FHIP1A: variants seen among roughly 807,000 people sequenced by gnomAD.
FHIP1A encodes FHF complex subunit HOOK interacting protein 1A, also known as FHF complex subunit HOOK-interacting protein 1A.
In FHIP1A, 61 loss-of-function variants were observed where a neutral mutation model predicts 88.6. That is an observed-to-expected ratio of 0.69 (90% CI 0.56 to 0.85). The LOEUF (loss-of-function observed/expected upper bound fraction) is 0.85, where lower values mean the gene tolerates loss of function less well. Ranked by LOEUF, FHIP1A falls within the 40% of genes least tolerant of loss-of-function variation. The pLI, the probability that FHIP1A is intolerant of heterozygous loss-of-function variation, is 0.00. For synonymous variants in FHIP1A, 478 were observed against 496.0 expected (o/e 0.96, Z 0.48); for missense variants, 1,154 against 1,273.5 (o/e 0.91, Z 1.43).
rs1346468362 is a variant in FHIP1A at position 151,640,764 on chromosome 4, G to A, written c.1226+2008G>A. On this transcript the variant is annotated intron_variant, in intron 9 of 13. Transcript: ENST00000435205. ...CCAAGTCAGATTTAGTCTAGGTGAT[G>A]GAAGCTCTTGCTTGCTGGCTGTTCA... Among the ~76,000 whole-genome samples, 10 of 152,202 alleles carry A rather than the reference G, an allele frequency of 6.6e-5. No homozygotes were observed. In the East Asian group the frequency reaches 1.9e-3, roughly 29 times the overall value.
Position 151,646,609 on chromosome 4 carries a change from G to GGAGA in FHIP1A, c.1283_1286dup (p.Asp429GlufsTer43). 1 of 1,551,642 alleles carries GGAGA rather than the reference G, an allele frequency of 6.4e-7. No homozygotes were observed. Among genetic ancestry groups the GGAGA allele is most frequent in the Non-Finnish European group, 8.7e-7 (1 of 1,146,932 alleles). On this transcript the variant is annotated frameshift_variant, in exon 10 of 14. Transcript: ENST00000435205. LOFTEE classifies it high-confidence loss of function. ...TGCTGAGTCAGAGGTGGGCTGTGAA[G>GGAGA]GAGAGAGACTGTTACTCTGTTTCTG...
chr4:151,616,060 C>T (rs969707373), intron 7 of FHIP1A, among the ~76,000 whole-genome samples: 3 of 152,178 alleles, frequency 2.0e-5, no homozygotes, highest in African/African-American at 7.2e-5. Context: ...CATTTGCCAT[C>T]AGTTGGCAGT....
rs577605690 is a variant in FHIP1A, at chr4:151,421,245, T to C, written c.-356+11780T>C. The stretch of plus-strand genomic sequence containing the variant: ...TGTGTTCCCAGGAAATTTGGATTTG[T>C]CAAATTTTACACAAATTTCATATAA... On this transcript the variant is annotated intron_variant, in intron 1 of 13. Transcript: ENST00000435205. Among the ~76,000 whole-genome samples the C allele has an allele frequency of 8.5e-5, 13 of 152,338 alleles. No individual in the cohort carries two copies. The South Asian group carries it at 2.7e-3, about 32-fold the overall frequency.
chr4:151,503,113 G>C (rs1283694186), intron 3 of FHIP1A, among the ~76,000 whole-genome samples: 1 of 152,210 alleles, frequency 6.6e-6, no homozygotes, highest in East Asian at 1.9e-4. Context: ...TAACAAGAGA[G>C]AGGTCTAGTA....
At chr4:151,662,443 A>G (rs1040388396) in intron 13 of FHIP1A, 58 bp from the exon 14 acceptor site, 34 of 1,452,414 alleles carry the variant, frequency 2.3e-5, no homozygotes, top group Non-Finnish European at 2.8e-5. Flanking sequence ...GCTTCACTGA[A>G]GAGGGTGGAT....
rs965190351 is a variant in FHIP1A at position 151,649,695 on chromosome 4, T to C, written c.1654T>C (p.Phe552Leu). The change falls in exon 11 of 14, where the codon TTC becomes CTC. Residue 552 changes from phenylalanine (F) to leucine (L), a missense_variant. Transcript: ENST00000435205. ...CAGTGTGAGCTCGGCCTGCCCTGTG[T>C]TCGGGCTCCCGCAACAACTCCCCAG... The part of the protein sequence containing the change: ...EGSVSSACPV[F>L]GLPQQLPRKT... 6.4e-7 allele frequency: 1 copy of C among 1,551,460 alleles called. No homozygotes were observed. Among genetic ancestry groups the C allele is most frequent in the African/African-American group, 1.4e-5 (1 of 73,000 alleles).
At position 151,662,853 on chromosome 4, in the gene FHIP1A, A is replaced by T; in HGVS notation, c.*99A>T. On this transcript the variant is annotated 3_prime_UTR_variant, in exon 14 of 14. Transcript: ENST00000435205. ...GCTGCTTACAAAGATTTCTACTTTA[A>T]TGTTTCCTGACAATACTTGATTTGT... is the stretch of plus-strand genomic sequence containing the variant. 8.7e-7 allele frequency: 1 copy of T among 1,148,520 alleles called. No individual in the cohort carries two copies. The highest frequency in any genetic ancestry group is 1.2e-6 in the Non-Finnish European group (1 of 850,182). 71.1% of individuals were successfully genotyped at this position (1,148,520 alleles called of 1,614,324 possible).
chr4:151,448,048 A>G (rs1289184650), intron 1 of FHIP1A, among the ~76,000 whole-genome samples: 3 of 151,750 alleles, frequency 2.0e-5, no homozygotes, highest in Non-Finnish European at 2.9e-5. Context: ...AGCTGGGACT[A>G]CAGGTGTACA....
At position 151,662,904 on chromosome 4, in the gene FHIP1A, C is replaced by A. The variant is rs1374774987; in HGVS notation, c.*150C>A. 3 of 734,652 alleles carry A rather than the reference C, an allele frequency of 4.1e-6. No homozygotes were observed. Among genetic ancestry groups the A allele is most frequent in the Non-Finnish European group, 6.2e-6 (3 of 485,060 alleles). 45.5% of individuals were successfully genotyped at this position (734,652 alleles called of 1,614,324 possible). A position where few individuals can be genotyped will look rare whatever the true frequency, so the allele number is the denominator to read the frequency against. ...GGGGAGGGGAATTTTCTGTATCTTT[C>A]CTCTCTCTCTCTAGCCGGGCCTTTC... On this transcript the variant is annotated 3_prime_UTR_variant, in exon 14 of 14. Coordinates refer to ENST00000435205, the MANE Select transcript of FHIP1A (RefSeq NM_001109977.3).
chr4:151,412,899 G>A (rs544922523), intron 1 of FHIP1A, among the ~76,000 whole-genome samples: 2 of 151,786 alleles, frequency 1.3e-5, no homozygotes, highest in East Asian at 3.9e-4. Flanking sequence ...GGTCAGGCTG[G>A]TCTCGAACTC....
At chr4:151,634,328 A>C (rs1169343507) in intron 8 of FHIP1A, among the ~76,000 whole-genome samples, 1 of 151,832 alleles carries the variant, frequency 6.6e-6, no homozygotes, top group Non-Finnish European at 1.5e-5. Context: ...TAAAATGGCC[A>C]TATTACTCAA....
chr4:151,627,603 T>A (rs1736000595), intron 7 of FHIP1A, among the ~76,000 whole-genome samples: 1 of 152,218 alleles, frequency 6.6e-6, no homozygotes, highest in African/African-American at 2.4e-5. Flanking sequence ...GATTTTTGCC[T>A]AAATCATTTA....
At chr4:151,596,934 T>C (rs1578798396) in intron 7 of FHIP1A, among the ~76,000 whole-genome samples, 1 of 152,286 alleles carries the variant, frequency 6.6e-6, no homozygotes, top group East Asian at 1.9e-4. Context: ...CTACGCTTTT[T>C]TCAAGGTTCT....
At chr4:151,515,254 A>T (rs1580655363) in intron 3 of FHIP1A, among the ~76,000 whole-genome samples, 1 of 146,596 alleles carries the variant, frequency 6.8e-6, no homozygotes, top group African/African-American at 2.5e-5. Context: ...AAATTCAACA[A>T]CCTTCATGCT....
chr4:151,521,344 T>C (rs1174689744), intron 3 of FHIP1A, among the ~76,000 whole-genome samples: 2 of 152,228 alleles, frequency 1.3e-5, no homozygotes, highest in African/African-American at 2.4e-5. Flanking sequence ...TTTTTTCATA[T>C]TCTTGTCCAT....
At chr4:151,612,532 C>A (rs1053035451) in intron 7 of FHIP1A, among the ~76,000 whole-genome samples, 3 of 152,194 alleles carry the variant, frequency 2.0e-5, no homozygotes, top group African/African-American at 7.2e-5. Context: ...AAGTGTGCAC[C>A]ACTACGCCTG....
intron 2 of FHIP1A, among the ~76,000 whole-genome samples, chr4:151,471,880 A>G (rs758873680): frequency 3.9e-5 from 6 of 152,074 alleles, no homozygotes; most frequent in Non-Finnish European, 5.9e-5. Context: ...TGTTTTTTCC[A>G]TTCCTGGGTT....
At chr4:151,580,044 C>G (rs901517667) in intron 5 of FHIP1A, among the ~76,000 whole-genome samples, 29 of 152,160 alleles carry the variant, frequency 1.9e-4, no homozygotes, top group African/African-American at 7.0e-4. Flanking sequence ...TTCCTTAATA[C>G]GACTAGTATC....
intron 2 of FHIP1A, among the ~76,000 whole-genome samples, chr4:151,465,296 C>T (rs923365992): frequency 6.6e-6 from 1 of 152,120 alleles, no homozygotes; most frequent in Non-Finnish European, 1.5e-5. Flanking sequence ...AATTCCTGAA[C>T]ACATACACCC....
Sources: allele counts gnomAD v4.1 joint callset (sites outside exome capture counted in the v4.1 genomes callset), GRCh38; gene constraint gnomAD v4.1.1; transcripts MANE v1.5; gene names NCBI Gene and HGNC (gene_info 2026-07-23, HGNC 2026-07-21).